SNTG1: variants seen among roughly 807,000 people sequenced by gnomAD.
The protein encoded by SNTG1 is syntrophin gamma 1.
In SNTG1, 39 loss-of-function variants were observed where a neutral mutation model predicts 74.7. The ratio of observed to expected loss-of-function variants is 0.52; its 90% CI spans 0.40 to 0.68. SNTG1 has a LOEUF of 0.68. Among genes scored for constraint, SNTG1 ranks in the 30% least tolerant of loss-of-function variants. The probability of loss-of-function intolerance (pLI) is 0.00; values close to 1 mark genes in which losing one functional copy is unlikely to be tolerated. For synonymous variants in SNTG1, 254 were observed against 217.1 expected (o/e 1.17, Z -1.49); for missense variants, 685 against 609.5 (o/e 1.12, Z -1.30).
intron 2 of SNTG1, among the ~76,000 whole-genome samples, chr8:50,295,119 C>T (rs952150422): frequency 6.6e-6 from 1 of 152,182 alleles, no homozygotes; most frequent in Non-Finnish European, 1.5e-5. Context: ...ACCTCCAAGA[C>T]ATTTTGCAAA....
intron 1 of SNTG1, among the ~76,000 whole-genome samples, chr8:49,967,575 G>T (rs981926612): frequency 9.0e-6 from 1 of 110,962 alleles, no homozygotes; most frequent in Non-Finnish European, 1.8e-5. Context: ...GTTTTAATTC[G>T]AATTGGTTAA....
chr8:50,113,222 C>G (rs554489322), intron 1 of SNTG1, among the ~76,000 whole-genome samples: 2 of 152,232 alleles, frequency 1.3e-5, no homozygotes, highest in African/African-American at 4.8e-5. Context: ...TTGATTCTTC[C>G]TATCCATGAG....
intron 15 of SNTG1, among the ~76,000 whole-genome samples, chr8:50,688,749 T>G (rs2095364106): frequency 1.3e-5 from 2 of 152,150 alleles, no homozygotes; most frequent in Non-Finnish European, 2.9e-5. Context: ...GGCTATTTTT[T>G]GGTTCCATAT....
intron 4 of SNTG1, among the ~76,000 whole-genome samples, chr8:50,403,030 G>A (rs552414878): frequency 8.5e-5 from 13 of 152,216 alleles, no homozygotes; most frequent in African/African-American, 3.1e-4. Flanking sequence ...TCTGCTAAAA[G>A]ACATTATCAT....
intron 1 of SNTG1, among the ~76,000 whole-genome samples, chr8:49,969,386 T>TA (rs1563409994): frequency 3.8e-4 from 13 of 34,044 alleles, no homozygotes; most frequent in South Asian, 1.5e-3. Flanking sequence ...ATTCATTTAA[T>TA]CTTTTTTTTT....
intron 2 of SNTG1, among the ~76,000 whole-genome samples, chr8:50,350,065 C>T (rs568864745): frequency 5.9e-5 from 9 of 152,302 alleles, no homozygotes; most frequent in Non-Finnish European, 8.8e-5. Context: ...CCCTGGCCAG[C>T]GGCTGCAGAG....
At chr8:50,450,899 G>A (rs1316386581) in intron 8 of SNTG1, among the ~76,000 whole-genome samples, 170 bp downstream of exon 8, 4 of 151,980 alleles carry the variant, frequency 2.6e-5, no homozygotes, top group South Asian at 4.2e-4. Flanking sequence ...ATAGATTAAC[G>A]AGTCCTATCA....
At chr8:50,775,050 A>C (rs1437964960) in intron 18 of SNTG1, among the ~76,000 whole-genome samples, 2 of 151,180 alleles carry the variant, frequency 1.3e-5, no homozygotes, top group African/African-American at 4.8e-5. Context: ...CCCCCAAAAT[A>C]AAAACAGTAA....
chr8:50,258,270 G>GA (rs1402831648), intron 2 of SNTG1, among the ~76,000 whole-genome samples: 1 of 152,200 alleles, frequency 6.6e-6, no homozygotes, highest in Non-Finnish European at 1.5e-5. Context: ...ATAACACTAT[G>GA]AAATGTGAGA....
intron 2 of SNTG1, among the ~76,000 whole-genome samples, chr8:50,271,854 G>T (rs77547429): frequency 0.064 from 9,778 of 152,226 alleles, 351 homozygotes; most frequent in South Asian, 0.077. Flanking sequence ...TGAAATCCTA[G>T]CTCCAATGAA....
intron 13 of SNTG1, among the ~76,000 whole-genome samples, chr8:50,596,053 G>C (rs1003942851): frequency 6.6e-6 from 1 of 151,986 alleles, no homozygotes; most frequent in Admixed American, 6.6e-5. Flanking sequence ...CTGCAGAACT[G>C]TTTTCCGAAG....
At chr8:50,737,349 A>G (rs1242609732) in intron 17 of SNTG1, among the ~76,000 whole-genome samples, 1 of 152,146 alleles carries the variant, frequency 6.6e-6, no homozygotes, top group East Asian at 1.9e-4. Flanking sequence ...CCCTCCTAAG[A>G]CTAAACCAGG....
chr8:50,184,812 GA>G (rs963473518), intron 2 of SNTG1, among the ~76,000 whole-genome samples: 10 of 151,790 alleles, frequency 6.6e-5, no homozygotes, highest in Non-Finnish European at 1.3e-4. Flanking sequence ...TATTTTTGAG[GA>G]AAAAAAATTA....
intron 11 of SNTG1, among the ~76,000 whole-genome samples, chr8:50,540,796 A>G (rs927051057): frequency 6.6e-6 from 1 of 152,148 alleles, no homozygotes; most frequent in African/African-American, 2.4e-5. Context: ...AGGATAAATA[A>G]AAAACAGATT....
chr8:50,477,265 A>G (rs996521010), intron 8 of SNTG1, among the ~76,000 whole-genome samples: 2 of 152,244 alleles, frequency 1.3e-5, no homozygotes, highest in Admixed American at 1.3e-4. Context: ...GAAATGTGAC[A>G]TCACGGCCTC....
intron 1 of SNTG1, among the ~76,000 whole-genome samples, chr8:49,996,813 T>G (rs1037584389): frequency 1.4e-5 from 2 of 145,800 alleles, no homozygotes; most frequent in African/African-American, 5.1e-5. Flanking sequence ...GTTTCTTGCT[T>G]TCTGATATAA....
chr8:50,272,074 C>A (rs746920122), intron 2 of SNTG1, among the ~76,000 whole-genome samples: 43 of 152,106 alleles, frequency 2.8e-4, no homozygotes, highest in Non-Finnish European at 5.0e-4. Flanking sequence ...GACTTCCCAG[C>A]CTTCAGTACT....
intron 2 of SNTG1, among the ~76,000 whole-genome samples, chr8:50,328,015 T>A (rs1444265468): frequency 6.6e-6 from 1 of 152,164 alleles, no homozygotes; most frequent in East Asian, 1.9e-4. Flanking sequence ...TATAACCTAT[T>A]ATTATGAAAC....
intron 2 of SNTG1, among the ~76,000 whole-genome samples, chr8:50,372,074 T>C (rs77707146): frequency 0.05 from 7,637 of 152,234 alleles, 253 homozygotes; most frequent in Non-Finnish European, 0.071. Context: ...ATTGTTTTTG[T>C]GTGTCTTATA....
Sources: gnomAD v4.1 joint callset for allele counts (sites outside exome capture counted in the v4.1 genomes callset) on GRCh38, gnomAD v4.1.1 for gene constraint, MANE v1.5 for transcripts, NCBI Gene and HGNC (gene_info 2026-07-23, HGNC 2026-07-21) for gene names.